Variants in RAI14 observed in about 807,000 individuals in gnomAD.
RAI14 encodes the protein ankycorbin.
A neutral mutation model predicts 115.4 loss-of-function variants in RAI14; 45 were observed. The observed-to-expected ratio is 0.39, with a 90% CI of 0.31 to 0.50. The LOEUF is 0.50. Among genes scored for constraint, RAI14 ranks in the 20% least tolerant of loss-of-function variants. The pLI is 0.85. For missense variants in RAI14, 939 were observed against 1,131.2 expected (o/e 0.83, Z 2.44); for synonymous variants, 371 against 415.4 (o/e 0.89, Z 1.30).
intron 1 of RAI14, 79 bp downstream of exon 1, chr5:34,656,554 G>C (rs1231263009): frequency 6.6e-6 from 1 of 152,028 alleles, no homozygotes; most frequent in Admixed American, 6.5e-5. Context: ...TCTGGAGCTC[G>C]GGCGCGGGAG....
chr5:34,665,151 ATGTGTGTG>A (rs369849287), intron 1 of RAI14, among the ~76,000 whole-genome samples: 3,061 of 54,278 alleles, frequency 0.056, 1,201 homozygotes, highest in South Asian at 0.36. Context: ...ACACATATAT[ATGTGTGTG>A]TATATATATA....
chr5:34,686,485 T>G (rs750226211), intron 1 of RAI14: 2 of 152,546 alleles, frequency 1.3e-5, no homozygotes, highest in Non-Finnish European at 2.9e-5. Flanking sequence ...TTCCTGAGAG[T>G]AGATTTAGAG....
chr5:34,759,750 C>T (rs1748379955), intron 3 of RAI14, among the ~76,000 whole-genome samples: 1 of 152,092 alleles, frequency 6.6e-6, no homozygotes. Flanking sequence ...TTGAATCATC[C>T]CAAAACCATC....
intron 1 of RAI14, among the ~76,000 whole-genome samples, chr5:34,669,922 G>A (rs1743501464): frequency 1.3e-5 from 2 of 152,138 alleles, no homozygotes; most frequent in Non-Finnish European, 2.9e-5. Context: ...TATTTTCTCT[G>A]TTATTGACTT....
intron 17 of RAI14, among the ~76,000 whole-genome samples, chr5:34,830,001 T>C (rs1757860128): frequency 6.6e-6 from 1 of 152,154 alleles, no homozygotes; most frequent in South Asian, 2.1e-4. Flanking sequence ...AGCCCCATCT[T>C]TTAAAGCAGG....
chr5:34,769,025 C>A (rs1451448170), intron 3 of RAI14, among the ~76,000 whole-genome samples: 3 of 151,608 alleles, frequency 2.0e-5, no homozygotes, highest in Non-Finnish European at 4.4e-5. Context: ...TTCCTCAGTC[C>A]TTGAGTATGT....
intron 1 of RAI14, among the ~76,000 whole-genome samples, chr5:34,658,459 C>T (rs1742448155): frequency 6.6e-6 from 1 of 152,048 alleles, no homozygotes. Context: ...TCCTCCACCC[C>T]CTCCCTCCCT....
At chr5:34,681,225 T>C (rs935110636) in intron 1 of RAI14, among the ~76,000 whole-genome samples, 3 of 152,226 alleles carry the variant, frequency 2.0e-5, no homozygotes, top group African/African-American at 4.8e-5. Flanking sequence ...ATAGCTTTGG[T>C]TAAAATTCCA....
intron 2 of RAI14, among the ~76,000 whole-genome samples, chr5:34,739,837 G>A (rs1336218575): frequency 5.3e-5 from 8 of 151,996 alleles, no homozygotes; most frequent in African/African-American, 1.9e-4. Flanking sequence ...CGAGGCGGGC[G>A]GATCACCTGA....
chr5:34,825,715 G>A (rs561295489), intron 15 of RAI14, among the ~76,000 whole-genome samples: 15 of 151,824 alleles, frequency 9.9e-5, no homozygotes, highest in Non-Finnish European at 1.5e-4. Context: ...ATGGTTCCAC[G>A]CCTCAATCGG....
Position 34,760,740 on chromosome 5 carries a change from G to A in RAI14, c.167+3142G>A, listed in dbSNP as rs879910132. Among the ~76,000 whole-genome samples the A allele has an allele frequency of 1.2e-4, 19 of 152,216 alleles. 1 individual carries two copies. Among genetic ancestry groups the A allele is most frequent in the African/African-American group, 2.2e-4 (9 of 41,506 alleles). On this transcript the variant is annotated intron_variant, in intron 3 of 17. Coordinates refer to ENST00000265109, the MANE Select transcript of RAI14 (RefSeq NM_015577.3). ...CTCTTTATTTATTGTGGTAAAATGC[G>A]TATAACATAAAATTTACCATTTTAA...
rs941165543 is a variant in RAI14, at chr5:34,812,096, T to C, written c.737-84T>C. 8.3e-6 allele frequency: 11 copies of C among 1,319,466 alleles called. No homozygotes were observed. In the African/African-American group the frequency reaches 1.5e-4, roughly 18 times the overall value. The allele number at this position is 1,319,466 out of a possible 1,614,324, so 81.7% of individuals were successfully genotyped here. A position where few individuals can be genotyped will look rare whatever the true frequency, so the allele number is the denominator to read the frequency against. ...GAGTGTTAAAAAATATTGTATATGGTGTATGTGTGTGTATCCCCCCACCCA... is the reference window on the plus strand; with the variant it reads ...GAGTGTTAAAAAATATTGTATATGGCGTATGTGTGTGTATCCCCCCACCCA... On this transcript the variant is annotated intron_variant, in intron 9 of 17. Transcript: ENST00000265109.
intron 4 of RAI14, among the ~76,000 whole-genome samples, chr5:34,803,095 C>G (rs1754466196): frequency 6.6e-6 from 1 of 152,188 alleles, no homozygotes; most frequent in African/African-American, 2.4e-5. Context: ...ATATTGACAG[C>G]TGAAAGCAGA....
At position 34,823,475 on chromosome 5, in the gene RAI14, G is replaced by A; in HGVS notation, c.1633G>A (p.Glu545Lys). The A allele has an allele frequency of 6.2e-7, 1 of 1,614,116 alleles. No homozygotes were observed. The highest frequency in any genetic ancestry group is 1.1e-5 in the South Asian group (1 of 91,076). ...LKQDLQNALE[E>K]SERNKEKVRE... The stretch of plus-strand genomic sequence containing the variant: ...GCAGGATCTGCAGAATGCATTAGAA[G>A]AAAGTGAAAGAAATAAAGAGAAAGT... Residue 545 changes from glutamate (E) to lysine (K), a missense_variant, in exon 15 of 18, where the codon GAA (glutamate) becomes AAA (lysine). By Grantham distance (56) the Glu-to-Lys change is moderately conservative. Transcript: ENST00000265109. This position sits in a 1 kb window ranked among gnomAD's most constrained non-coding sequence, Gnocchi z 4.5.
At chr5:34,720,401 A>ATTT (rs35380327) in intron 2 of RAI14, among the ~76,000 whole-genome samples, 12 of 80,230 alleles carry the variant, frequency 1.5e-4, no homozygotes, top group East Asian at 3.4e-4. Context: ...CCTGTCTCAG[A>ATTT]TTTTTTTTTT....
chr5:34,718,240 C>T (rs1017100455), intron 2 of RAI14, among the ~76,000 whole-genome samples: 3 of 152,234 alleles, frequency 2.0e-5, no homozygotes, highest in African/African-American at 7.2e-5. Context: ...TGGTGATTTA[C>T]AACTCTTGTG....
At chr5:34,674,091 C>G (rs944218864) in intron 1 of RAI14, among the ~76,000 whole-genome samples, 3 of 152,048 alleles carry the variant, frequency 2.0e-5, no homozygotes, top group Non-Finnish European at 4.4e-5. Flanking sequence ...GCCAGCACCC[C>G]CTCTCTGTTG....
At chr5:34,709,376 C>T (rs990283726) in intron 2 of RAI14, among the ~76,000 whole-genome samples, 3 of 151,964 alleles carry the variant, frequency 2.0e-5, no homozygotes, top group African/African-American at 4.8e-5. Context: ...TGAACCTGGA[C>T]GACGGAGGTT....
intron 2 of RAI14, among the ~76,000 whole-genome samples, chr5:34,691,248 T>C (rs912060842): frequency 6.6e-6 from 1 of 152,106 alleles, no homozygotes; most frequent in Non-Finnish European, 1.5e-5. Flanking sequence ...AAAATAGTAA[T>C]ATTAATAGTT....
Sources: gnomAD v4.1 joint callset for allele counts (sites outside exome capture counted in the v4.1 genomes callset) on GRCh38, gnomAD v4.1.1 for gene constraint, Gnocchi (gnomAD v3.1) non-coding constraint, MANE v1.5 for transcripts, NCBI Gene and HGNC (gene_info 2026-07-23, HGNC 2026-07-21) for gene names.